The following OR4F15 variants were observed in gnomAD, a reference collection of about 807,000 sequenced individuals.
OR4F15 encodes the protein olfactory receptor family 4 subfamily F member 15.
OR4F15 carries 7 observed loss-of-function variants against 11.9 expected under a neutral mutation model. The observed-to-expected ratio is 0.59, with a 90% CI of 0.33 to 1.10. The LOEUF (loss-of-function observed/expected upper bound fraction) is 1.10, where lower values mean the gene tolerates loss of function less well. Among genes scored for constraint, OR4F15 ranks in the 50% least tolerant of loss-of-function variants. OR4F15 has a pLI of 0.03. For synonymous variants in OR4F15, 151 were observed against 134.6 expected, an observed-to-expected ratio of 1.12 and a Z score of -0.84; for missense variants, 445 against 377.5, an observed-to-expected ratio of 1.18 and a Z score of -1.48.
chr15:101,818,351 G>T lies in OR4F15; in HGVS notation c.165G>T (p.Leu55=). The stretch of plus-strand genomic sequence containing the variant: ...TCACTGTAACCATGGATGCTCATCT[G>T]CACTCCCCCATGTATTTCCTCCTGG... ...IVFTVTMDAH[L]HSPMYFLLAN... Residue 55 remains leucine, a synonymous_variant, in exon 2 of 2, where the codon CTG becomes CTT. Coordinates refer to ENST00000332238, the MANE Select transcript of OR4F15 (RefSeq NM_001001674.2). The T allele has an allele frequency of 6.2e-7, 1 of 1,614,102 alleles. No homozygotes were observed. The highest frequency in any genetic ancestry group is 8.5e-7 in the Non-Finnish European group (1 of 1,179,966).
In OR4F15 at chr15:101,819,899, C is replaced by T. The variant is rs1339022292; in HGVS notation, c.*774C>T. On this transcript the variant is annotated 3_prime_UTR_variant, in exon 2 of 2. Transcript: ENST00000332238. ...TTGCTCCAGTCTCTACATATTTTTG[C>T]CACCTTATCAGGCTTCTTTGGCCAT... The T allele has an allele frequency of 6.6e-6, 1 of 152,210 alleles. No homozygotes were observed. The highest frequency in any genetic ancestry group is 6.5e-5 in the Admixed American group (1 of 15,268). 9.4% of individuals were successfully genotyped at this position (152,210 alleles called of 1,614,324 possible). A position where few individuals can be genotyped will look rare whatever the true frequency, so the allele number is the denominator to read the frequency against.
rs754540325 is a variant in OR4F15 at position 101,818,648 on chromosome 15, C to G, written c.462C>G (p.Ile154Met). The part of the protein sequence containing the change: ...FLATSSIIGL[I>M]HSLVQLVFVV... ...CCACTTCCTCTATCATTGGCCTTAT[C>G]CACTCATTGGTCCAATTAGTTTTTG... Residue 154 changes from isoleucine (I) to methionine (M), a missense_variant, in exon 2 of 2, where the codon ATC becomes ATG. Physicochemically the swap from Ile to Met is conservative, Grantham distance 10 (BLOSUM62 1). Transcript: ENST00000332238. The G allele has an allele frequency of 2.5e-6, 4 of 1,613,966 alleles. No homozygotes were observed. The Admixed American group carries it at 5.0e-5, about 20-fold the overall frequency.
chr15:101,813,307 G>C lies in OR4F15; in HGVS notation c.-38+1035G>C, dbSNP rs577278032. 2.6e-5 allele frequency among the ~76,000 whole-genome samples: 4 copies of C among 152,176 alleles called. No homozygotes were observed. In the East Asian group the frequency reaches 7.7e-4, roughly 29 times the overall value. Reference sequence around the variant, plus strand: ...ACAGATCAGTTGAGTGCAGGAGTTCGAGACCAGCCTGGCCAACATGGTGAA... The same window carrying C: ...ACAGATCAGTTGAGTGCAGGAGTTCCAGACCAGCCTGGCCAACATGGTGAA... On this transcript the variant is annotated intron_variant, in intron 1 of 1. Coordinates refer to ENST00000332238, the MANE Select transcript of OR4F15 (RefSeq NM_001001674.2).
At chr15:101,812,736 A>G (rs1902927263) in intron 1 of OR4F15, among the ~76,000 whole-genome samples, 1 of 152,206 alleles carries the variant, frequency 6.6e-6, no homozygotes, top group African/African-American at 2.4e-5. Context: ...CATTTGGAAG[A>G]AAAACATCTG....
In OR4F15 at chr15:101,819,486, C is replaced by T. The variant is rs143008574; in HGVS notation, c.*361C>T. The T allele has an allele frequency of 4.0e-3, 627 of 158,144 alleles. No individual in the cohort carries two copies. Among genetic ancestry groups the T allele is most frequent in the African/African-American group, 0.015 (594 of 38,358 alleles). The allele number at this position is 158,144 out of a possible 1,614,324, so 9.8% of individuals were successfully genotyped here. Reference sequence around the variant, plus strand: ...CATTCAATCTGTTTACCACCTAACTCCTATTTATTTATTTATTTAGTTAGT... The same window carrying T: ...CATTCAATCTGTTTACCACCTAACTTCTATTTATTTATTTATTTAGTTAGT... On this transcript the variant is annotated 3_prime_UTR_variant, in exon 2 of 2. Coordinates refer to ENST00000332238, the MANE Select transcript of OR4F15 (RefSeq NM_001001674.2).
At position 101,819,851 on chromosome 15, in the gene OR4F15, G is replaced by C. The variant is rs1236799200; in HGVS notation, c.*726G>C. The C allele has an allele frequency of 1.3e-5, 2 of 152,092 alleles. No individual in the cohort carries two copies. Among genetic ancestry groups the C allele is most frequent in the African/African-American group, 4.8e-5 (2 of 41,402 alleles). The allele number at this position is 152,092 out of a possible 1,614,324, so 9.4% of individuals were successfully genotyped here. On this transcript the variant is annotated 3_prime_UTR_variant, in exon 2 of 2. Coordinates refer to ENST00000332238, the MANE Select transcript of OR4F15 (RefSeq NM_001001674.2). ...AGCTCTCTTGATTTTAATTCTTTTT[G>C]TTCCTAAAGTGTTTGCTTTCTATTG...
rs138459892 is a variant in OR4F15 at position 101,818,447 on chromosome 15, G to A, written c.261G>A (p.Lys87=). The A allele has an allele frequency of 6.8e-4, 1,105 of 1,614,092 alleles. 9 individuals are homozygous for A. In the African/African-American group the frequency reaches 0.014, roughly 20 times the overall value. Residue 87 remains lysine (K), a synonymous_variant, in exon 2 of 2, where the codon AAG becomes AAA. Coordinates refer to ENST00000332238, the MANE Select transcript of OR4F15 (RefSeq NM_001001674.2). The stretch of plus-strand genomic sequence containing the variant: ...CTAAGATGATTTGTGATATTTTCAA[G>A]AAGCACAAGGCCATCTCCTTTCGGG... ...TAPKMICDIF[K]KHKAISFRGC...
At chr15:101,813,152 C>G (rs906183540) in intron 1 of OR4F15, among the ~76,000 whole-genome samples, 1 of 152,088 alleles carries the variant, frequency 6.6e-6, no homozygotes, top group African/African-American at 2.4e-5. Context: ...TGGATATCAG[C>G]TTAGTTGAAA....
rs369029245 is a variant in OR4F15 at position 101,819,010 on chromosome 15, A to G, written c.824A>G (p.Asp275Gly). 4 of 1,613,940 alleles carry G rather than the reference A, an allele frequency of 2.5e-6. No individual in the cohort carries two copies. The African/African-American group carries it at 5.3e-5, about 22-fold the overall frequency. Residue 275 changes from aspartate (D) to glycine (G), a missense_variant, in exon 2 of 2, where the codon GAT (aspartate) becomes GGT (glycine). Physicochemically the swap from Asp to Gly is moderately conservative, Grantham distance 94. Transcript: ENST00000332238. ...SHLDKYLAIF[D>G]AFITPFLNPV... ...CTGGATAAATATCTTGCTATTTTTGATGCATTTATTACTCCTTTTCTGAAT... is the reference window on the plus strand; with the variant it reads ...CTGGATAAATATCTTGCTATTTTTGGTGCATTTATTACTCCTTTTCTGAAT...
At position 101,818,192 on chromosome 15, in the gene OR4F15, T is replaced by C. The variant is rs1426566757; in HGVS notation, c.6T>C (p.Asn2=). The change falls in exon 2 of 2, where the codon AAT becomes AAC. Residue 2 remains asparagine, a synonymous_variant. Transcript: ENST00000332238. The part of the protein sequence containing the change: M[N]GMNHSVVSEF... The stretch of plus-strand genomic sequence containing the variant: ...TGATCTTGGAGTCTGAGGCAATGAA[T>C]GGAATGAATCACTCTGTGGTATCAG... 8.8e-6 allele frequency: 14 copies of C among 1,598,056 alleles called. No individual in the cohort carries two copies. Among genetic ancestry groups the C allele is most frequent in the Non-Finnish European group, 1.1e-5 (13 of 1,168,888 alleles).
Position 101,819,284 on chromosome 15 carries a change from T to A in OR4F15, c.*159T>A. The A allele has an allele frequency of 1.7e-6, 1 of 597,576 alleles. No individual in the cohort carries two copies. Among genetic ancestry groups the A allele is most frequent in the Admixed American group, 3.0e-5 (1 of 33,050 alleles). The allele number at this position is 597,576 out of a possible 1,614,324, so 37.0% of individuals were successfully genotyped here. A position where few individuals can be genotyped will look rare whatever the true frequency, so the allele number is the denominator to read the frequency against. On this transcript the variant is annotated 3_prime_UTR_variant, in exon 2 of 2. Coordinates refer to ENST00000332238, the MANE Select transcript of OR4F15 (RefSeq NM_001001674.2). ...AATTTCACCATTAAATTAGAAGTGATGTTATCCTTTGGCACAGTGTGCATC... is the reference window on the plus strand; with the variant it reads ...AATTTCACCATTAAATTAGAAGTGAAGTTATCCTTTGGCACAGTGTGCATC...
At chr15:101,814,220 C>A (rs1902952982) in intron 1 of OR4F15, among the ~76,000 whole-genome samples, 1 of 152,166 alleles carries the variant, frequency 6.6e-6, no homozygotes, top group African/African-American at 2.4e-5. Context: ...TTACTCAGTT[C>A]TGGCTTCATT....
Position 101,819,306 on chromosome 15 carries a change from C to T in OR4F15, c.*181C>T. 1 of 557,096 alleles carries T rather than the reference C, an allele frequency of 1.8e-6. No homozygotes were observed. Among genetic ancestry groups the T allele is most frequent in the Non-Finnish European group, 3.2e-6 (1 of 317,136 alleles). 34.5% of individuals were successfully genotyped at this position (557,096 alleles called of 1,614,324 possible). A position where few individuals can be genotyped will look rare whatever the true frequency, so the allele number is the denominator to read the frequency against. On this transcript the variant is annotated 3_prime_UTR_variant, in exon 2 of 2. Coordinates refer to ENST00000332238, the MANE Select transcript of OR4F15 (RefSeq NM_001001674.2). Reference sequence around the variant, plus strand: ...TGATGTTATCCTTTGGCACAGTGTGCATCAAAGTGCTAAATATTAAATCTT... The same window carrying T: ...TGATGTTATCCTTTGGCACAGTGTGTATCAAAGTGCTAAATATTAAATCTT...
Position 101,818,826 on chromosome 15 carries a change from C to T in OR4F15, c.640C>T (p.Leu214=). ...CATTTCTGTGGGCTCCTTTGTCTTG[C>T]TGGTAATTTCCTACATCTTCATTCT... ...GLISVGSFVL[L]VISYIFILFT... The change falls in exon 2 of 2, where the codon CTG becomes TTG. Residue 214 remains leucine (L), a synonymous_variant. Coordinates refer to ENST00000332238, the MANE Select transcript of OR4F15 (RefSeq NM_001001674.2). The T allele has an allele frequency of 3.1e-6, 5 of 1,614,142 alleles. No homozygotes were observed. The highest frequency in any genetic ancestry group is 4.2e-6 in the Non-Finnish European group (5 of 1,180,032).
intron 1 of OR4F15, among the ~76,000 whole-genome samples, chr15:101,816,580 A>G (rs1902992769): frequency 6.6e-6 from 1 of 152,118 alleles, no homozygotes; most frequent in Non-Finnish European, 1.5e-5. Flanking sequence ...TATTTACTGT[A>G]AAGAACTTTG....
rs1396644858 is a variant in OR4F15 at position 101,812,231 on chromosome 15, G to A, written c.-79G>A. The A allele has an allele frequency of 3.3e-5, 5 of 152,214 alleles. No homozygotes were observed. The highest frequency in any genetic ancestry group is 7.3e-5 in the Non-Finnish European group (5 of 68,054). The allele number at this position is 152,214 out of a possible 1,614,324, so 9.4% of individuals were successfully genotyped here. A position where few individuals can be genotyped will look rare whatever the true frequency, so the allele number is the denominator to read the frequency against. Reference sequence around the variant, plus strand: ...GGATGGCATGAAGTTCACAATGGGAGCATGATAAACTAGATAAACTTCAGC... The same window carrying A: ...GGATGGCATGAAGTTCACAATGGGAACATGATAAACTAGATAAACTTCAGC... On this transcript the variant is annotated 5_prime_UTR_variant, in exon 1 of 2. Coordinates refer to ENST00000332238, the MANE Select transcript of OR4F15 (RefSeq NM_001001674.2).
intron 1 of OR4F15, 25 bp from the exon 2 acceptor site, chr15:101,818,121 ATTCT>A (rs1278022211): frequency 6.7e-6 from 7 of 1,038,860 alleles, no homozygotes; most frequent in African/African-American, 6.4e-5. Context: ...TGCCTAGGTA[ATTCT>A]TTCTCATTTT....
At chr15:101,815,607 C>T (rs1293358502) in intron 1 of OR4F15, among the ~76,000 whole-genome samples, 1 of 152,102 alleles carries the variant, frequency 6.6e-6, no homozygotes, top group Non-Finnish European at 1.5e-5. Flanking sequence ...AATGTTCTTA[C>T]CCTTTCTGTA....
rs201253028 is a variant in OR4F15, at chr15:101,818,159, A to G, written c.-28A>G. 3.5e-6 allele frequency: 5 copies of G among 1,438,734 alleles called. No individual in the cohort carries two copies. The South Asian group carries it at 6.2e-5, about 18-fold the overall frequency. The allele number at this position is 1,438,734 out of a possible 1,614,324, so 89.1% of individuals were successfully genotyped here. A position where few individuals can be genotyped will look rare whatever the true frequency, so the allele number is the denominator to read the frequency against. Reference sequence around the variant, plus strand: ...TTCTTTCTTCCTTCAGGTAAGTAACATGAAAACTGATCTTGGAGTCTGAGG... The same window carrying G: ...TTCTTTCTTCCTTCAGGTAAGTAACGTGAAAACTGATCTTGGAGTCTGAGG... On this transcript the variant is annotated 5_prime_UTR_variant, in exon 2 of 2. An upstream start codon of the reference 5' UTR is lost. Transcript: ENST00000332238.
Sources: gnomAD v4.1 joint callset for allele counts (sites outside exome capture counted in the v4.1 genomes callset) on GRCh38, gnomAD v4.1.1 for gene constraint, MANE v1.5 for transcripts, NCBI Gene and HGNC (gene_info 2026-07-23, HGNC 2026-07-21) for gene names.